Variants in LINGO2 observed in about 807,000 individuals in gnomAD.
LINGO2 encodes leucine rich repeat and Ig domain containing 2, also known as leucine-rich repeat and immunoglobulin-like domain-containing nogo receptor-interacting protein 2.
Under a neutral mutation model 30.6 loss-of-function variants are expected in LINGO2, and 14 were observed. That is an observed-to-expected ratio of 0.46 (90% CI 0.30 to 0.72). The LOEUF is 0.72. Among genes scored for constraint, LINGO2 ranks in the 30% least tolerant of loss-of-function variants. LINGO2 has a pLI of 0.07. For synonymous variants in LINGO2, 317 were observed against 288.5 expected, an observed-to-expected ratio of 1.10 and a Z score of -1.00; for missense variants, 729 against 751.7, an observed-to-expected ratio of 0.97 and a Z score of 0.35.
At chr9:27,990,440 G>T (rs1048715638) in intron 5 of LINGO2, among the ~76,000 whole-genome samples, 2 of 144,920 alleles carry the variant, frequency 1.4e-5, no homozygotes, top group Admixed American at 7.1e-5. Context: ...TCTGCAAAAA[G>T]CATCACTTCA....
intron 3 of LINGO2, among the ~76,000 whole-genome samples, chr9:28,358,287 T>G (rs1820309619): frequency 1.3e-5 from 2 of 152,114 alleles, no homozygotes; most frequent in Non-Finnish European, 2.9e-5. Flanking sequence ...TTAAGTTACA[T>G]CTCCAGGTCA....
intron 4 of LINGO2, among the ~76,000 whole-genome samples, chr9:28,032,433 A>AATG (rs1452852595): frequency 7.8e-4 from 119 of 152,268 alleles, no homozygotes; most frequent in Middle Eastern, 3.4e-3. Context: ...ATTACATATG[A>AATG]TTCACATAAC....
At chr9:27,988,884 G>A (rs544781951) in intron 5 of LINGO2, among the ~76,000 whole-genome samples, 144 of 151,296 alleles carry the variant, frequency 9.5e-4, no homozygotes, top group South Asian at 6.1e-3. Context: ...TCAGCAACTT[G>A]ATTGATCACT....
At chr9:28,049,341 C>CCCT in intron 4 of LINGO2, among the ~76,000 whole-genome samples, 1 of 150,682 alleles carries the variant, frequency 6.6e-6, no homozygotes, top group Middle Eastern at 3.2e-3. Flanking sequence ...ATAGTACGTA[C>CCCT]AGTACTAGGG....
At chr9:28,389,731 T>G (rs1259017747) in intron 2 of LINGO2, among the ~76,000 whole-genome samples, 4 of 152,174 alleles carry the variant, frequency 2.6e-5, no homozygotes, top group Admixed American at 2.6e-4. Context: ...CATAAATGCA[T>G]CCAGAACTTT....
At chr9:28,584,873 A>G (rs921013904) in intron 1 of LINGO2, among the ~76,000 whole-genome samples, 1 of 152,046 alleles carries the variant, frequency 6.6e-6, no homozygotes, top group Non-Finnish European at 1.5e-5. Context: ...AATAAGGCTG[A>G]TGTGACTACT....
At position 28,386,925 on chromosome 9, in the gene LINGO2, T is replaced by C. The variant is rs187862982; in HGVS notation, c.-278-14057A>G. Among the ~76,000 whole-genome samples, 561 of 152,308 alleles carry C rather than the reference T, an allele frequency of 3.7e-3. 8 individuals carry two copies. The highest frequency in any genetic ancestry group is 5.0e-3 in the Non-Finnish European group (338 of 68,024). On this transcript the variant is annotated intron_variant, in intron 2 of 5. Transcript: ENST00000379992. The stretch of plus-strand genomic sequence containing the variant: ...TTTTTAAAATTAAGTATTGAAGATA[T>C]AGTAAGAATGTTTGTAAACACTGTT...
At chr9:28,503,862 A>T (rs1298085764) in intron 1 of LINGO2, among the ~76,000 whole-genome samples, 5 of 150,684 alleles carry the variant, frequency 3.3e-5, no homozygotes, top group Non-Finnish European at 1.5e-5. Context: ...TACGGGGGGA[A>T]AAAAAACAAT....
At chr9:28,131,385 C>T (rs1827374451) in intron 4 of LINGO2, among the ~76,000 whole-genome samples, 1 of 152,130 alleles carries the variant, frequency 6.6e-6, no homozygotes, top group Non-Finnish European at 1.5e-5. Flanking sequence ...TGTCACTTAA[C>T]TTATTCCACT....
At chr9:29,073,151 A>C in the LINGO2 span, among the ~76,000 whole-genome samples, 1 of 152,094 alleles carries the variant, frequency 6.6e-6, no homozygotes, top group African/African-American at 2.4e-5. Flanking sequence ...GAACTATTAG[A>C]AAAGAAAAAA....
At chr9:29,090,450 ATCTC>A in the LINGO2 span, among the ~76,000 whole-genome samples, 1 of 151,958 alleles carries the variant, frequency 6.6e-6, no homozygotes, top group African/African-American at 2.4e-5. Context: ...TGTCCCTGTC[ATCTC>A]TCTAAGTCTC....
At chr9:28,242,784 A>G (rs1013334519) in intron 4 of LINGO2, among the ~76,000 whole-genome samples, 4 of 152,158 alleles carry the variant, frequency 2.6e-5, no homozygotes, top group African/African-American at 7.2e-5. Context: ...CTCAGCAGAA[A>G]CCCTACAAGC....
chr9:28,075,672 C>A (rs192017282), intron 4 of LINGO2, among the ~76,000 whole-genome samples: 376 of 151,960 alleles, frequency 2.5e-3, no homozygotes, highest in Middle Eastern at 6.8e-3. Flanking sequence ...AATATCTTTT[C>A]AATATTTCTT....
At chr9:28,868,099 C>G in the LINGO2 span, among the ~76,000 whole-genome samples, 1 of 151,944 alleles carries the variant, frequency 6.6e-6, no homozygotes, top group Non-Finnish European at 1.5e-5. Context: ...TATAGGTGAT[C>G]CCTAGAGGCT....
chr9:28,349,873 C>T (rs558878604), intron 3 of LINGO2, among the ~76,000 whole-genome samples: 23 of 152,170 alleles, frequency 1.5e-4, no homozygotes, highest in African/African-American at 4.6e-4. Flanking sequence ...GGATTTTCAA[C>T]CCAGAATTTC....
the LINGO2 span, among the ~76,000 whole-genome samples, chr9:28,982,254 G>A: frequency 6.6e-6 from 1 of 152,038 alleles, no homozygotes; most frequent in Non-Finnish European, 1.5e-5. Flanking sequence ...TAGCAACTAA[G>A]CTAAGGAAAA....
chr9:28,967,791 T>C, the LINGO2 span, among the ~76,000 whole-genome samples: 2 of 152,220 alleles, frequency 1.3e-5, no homozygotes, highest in Non-Finnish European at 2.9e-5. Context: ...AACTGTAAGA[T>C]GTATAGCATA....
the LINGO2 span, chr9:27,940,737 G>C: frequency 6.6e-6 from 1 of 152,186 alleles, no homozygotes; most frequent in African/African-American, 2.4e-5. Flanking sequence ...CAGAAACACA[G>C]AACTATGAAG....
At chr9:28,177,525 T>A (rs1828781764) in intron 4 of LINGO2, among the ~76,000 whole-genome samples, 1 of 152,188 alleles carries the variant, frequency 6.6e-6, no homozygotes, top group Non-Finnish European at 1.5e-5. Flanking sequence ...GTTCCCCAGT[T>A]AAATGAAAAT....
Sources: allele counts gnomAD v4.1 joint callset (sites outside exome capture counted in the v4.1 genomes callset), GRCh38; gene constraint gnomAD v4.1.1; transcripts MANE v1.5; gene names NCBI Gene and HGNC (gene_info 2026-07-23, HGNC 2026-07-21).